The following ZFHX3 variants were observed in gnomAD, a reference collection of about 807,000 sequenced individuals.
The protein encoded by ZFHX3 is zinc finger homeobox 3.
ZFHX3 carries 42 observed loss-of-function variants against 279.1 expected under a neutral mutation model. The observed-to-expected ratio is 0.15, with a 90% confidence interval of 0.12 to 0.19. The LOEUF (loss-of-function observed/expected upper bound fraction) is 0.19. Among genes scored for constraint, ZFHX3 ranks in the 10% least tolerant of loss-of-function variants. The pLI is 1.00. For missense variants in ZFHX3, 4,981 were observed against 4,754.0 expected (o/e 1.05, Z -1.40); for synonymous variants, 2,293 against 1,957.8 (o/e 1.17, Z -4.52).
intron 1 of ZFHX3, among the ~76,000 whole-genome samples, chr16:73,738,870 A>T (rs982031290): frequency 1.3e-5 from 2 of 152,130 alleles, no homozygotes; most frequent in Non-Finnish European, 2.9e-5. Flanking sequence ...AGATTACAAG[A>T]TGGAAGAAAG....
intron 4 of ZFHX3, among the ~76,000 whole-genome samples, chr16:73,284,677 A>G (rs1340597942): frequency 1.3e-5 from 2 of 152,142 alleles, no homozygotes; most frequent in Non-Finnish European, 2.9e-5. Flanking sequence ...GTTTTTTGCA[A>G]TGGTCACATA....
chr16:73,378,115 T>C (rs2143360045), intron 3 of ZFHX3, among the ~76,000 whole-genome samples: 1 of 145,448 alleles, frequency 6.9e-6, no homozygotes, highest in South Asian at 2.2e-4. Flanking sequence ...ACTCATCAGA[T>C]GGAGCTAATA....
chr16:73,716,639 AC>A (rs2053417704), intron 1 of ZFHX3, among the ~76,000 whole-genome samples: 117 of 137,436 alleles, frequency 8.5e-4, no homozygotes, highest in South Asian at 2.9e-3. Flanking sequence ...ACACACACAC[AC>A]ACACACACAC....
At chr16:73,802,190 A>G (rs909584950) in intron 1 of ZFHX3, among the ~76,000 whole-genome samples, 4 of 152,084 alleles carry the variant, frequency 2.6e-5, no homozygotes, top group Admixed American at 1.3e-4. Flanking sequence ...TTGATTCTTC[A>G]TAAAACCCCA....
chr16:73,542,197 C>T (rs1759157660), intron 2 of ZFHX3, among the ~76,000 whole-genome samples: 1 of 152,054 alleles, frequency 6.6e-6, no homozygotes, highest in Admixed American at 6.6e-5. Flanking sequence ...TTCTCCCACA[C>T]ACTTTCAAGT....
rs1342873565 is a variant in ZFHX3, at chr16:72,794,409, A to G, written c.8273T>C (p.Leu2758Pro). ...GTCAAAAATATCTCCTTTCATCTGG[A>G]GTCCCCCATCACAGTCTAAGAGCAT... ...SAMLLDCDGG[L>P]QMKGDIFDGT... is the part of the protein sequence containing the mutation. Residue 2758 changes from leucine (L) to proline (P), a missense_variant, in exon 9 of 10, where the codon CTC (leucine) becomes CCC (proline). Physicochemically the swap from Leu to Pro is moderately conservative, Grantham distance 98. Transcript: ENST00000268489. This position sits in a 1 kb window ranked among gnomAD's most constrained non-coding sequence, Gnocchi z 4.2. The G allele has an allele frequency of 1.2e-6, 2 of 1,609,978 alleles. No individual in the cohort carries two copies. The highest frequency in any genetic ancestry group is 1.7e-6 in the Non-Finnish European group (2 of 1,177,676).
chr16:73,309,408 C>A (rs987255339), intron 4 of ZFHX3, among the ~76,000 whole-genome samples: 1 of 152,182 alleles, frequency 6.6e-6, no homozygotes, highest in Non-Finnish European at 1.5e-5. Context: ...AGGCCATAAT[C>A]TCATTCTTTT....
intron 5 of ZFHX3, among the ~76,000 whole-genome samples, chr16:73,237,425 G>A (rs1168023011): frequency 2.0e-5 from 3 of 151,362 alleles, no homozygotes; most frequent in Non-Finnish European, 4.4e-5. Context: ...TTTTTTAAAA[G>A]ATGGGGTTTT....
rs138195703 is a variant in ZFHX3, at chr16:73,026,027, T to A, written c.-50+21725A>T. Among the ~76,000 whole-genome samples, 909 of 151,898 alleles carry A rather than the reference T, an allele frequency of 6.0e-3. 9 individuals are homozygous for A. The highest frequency in any genetic ancestry group is 0.02 in the African/African-American group (833 of 41,396). On this transcript the variant is annotated intron_variant, in intron 1 of 9. Transcript: ENST00000268489. ...GCTTCCCAAAAGGAACACACCCATG[T>A]CTTGGCAGTCTCCGATAGGCTGAAA...
rs2144073518 is a variant in ZFHX3, at chr16:72,889,784, T to C, written c.3395A>G (p.Asp1132Gly). Residue 1132 changes from aspartate to glycine, a missense_variant, in exon 4 of 10, where the codon GAC becomes GGC. This residue lies in a region of ZFHX3 where 1,751 missense variants were observed against 1,770.0 expected (regional missense o/e 0.99). Transcript: ENST00000268489. ...GGTGAAGATCTGCCCCAGGTCCTCG[T>C]CCTCCTCTGGAAGGCCCTTCTGCAG... is the stretch of plus-strand genomic sequence containing the variant. Reference protein sequence around the residue: ...QRLQKGLPEEDEDLGQIFTIR... With the variant: ...QRLQKGLPEEGEDLGQIFTIR... The C allele has an allele frequency of 6.2e-7, 1 of 1,613,424 alleles. No individual in the cohort carries two copies. Among genetic ancestry groups the C allele is most frequent in the East Asian group, 2.2e-5 (1 of 44,864 alleles).
At chr16:72,929,562 A>G (rs1431244987) in intron 3 of ZFHX3, among the ~76,000 whole-genome samples, 1 of 152,228 alleles carries the variant, frequency 6.6e-6, no homozygotes, top group Non-Finnish European at 1.5e-5. Context: ...ACAGGTCATC[A>G]TCAGGATCTG....
Position 73,348,369 on chromosome 16 carries a change from G to C in ZFHX3, c.-1290-30033C>G, listed in dbSNP as rs368790997. On this transcript the variant is annotated intron_variant, in intron 3 of 17. Coordinates refer to the ZFHX3 transcript ENST00000641206. ...GGGTTGTTAATCACCTCTCTGGCAA[G>C]GGTCCTTCACCTTTGGGGTGGGTCA... 2.0e-4 allele frequency among the ~76,000 whole-genome samples: 30 copies of C among 152,302 alleles called. No individual in the cohort carries two copies. In the East Asian group the frequency reaches 4.8e-3, roughly 24 times the overall value.
intron 5 of ZFHX3, among the ~76,000 whole-genome samples, chr16:72,815,269 G>A (rs563383142): frequency 1.4e-4 from 22 of 152,218 alleles, no homozygotes; most frequent in East Asian, 1.9e-4. Flanking sequence ...TTAGCCAGGC[G>A]TGGTGGCAAG....
chr16:72,959,157 C>G lies in ZFHX3; in HGVS notation c.989G>C (p.Gly330Ala). The change falls in exon 2 of 10, where the codon GGC (glycine) becomes GCC (alanine). Residue 330 changes from glycine to alanine, a missense_variant. By Grantham distance (60) the Gly-to-Ala change is moderately conservative. Transcript: ENST00000268489. ...KNISAIIQGI[G>A]KDKEPLVSFL... The stretch of plus-strand genomic sequence containing the variant: ...ACTTACAAGGGGTTCCTTGTCTTTG[C>G]CGATCCCTTGGATGATAGCGGAGAT... 6.2e-7 allele frequency: 1 copy of G among 1,614,238 alleles called. No homozygotes were observed. The highest frequency in any genetic ancestry group is 1.3e-5 in the African/African-American group (1 of 75,056).
intron 2 of ZFHX3, among the ~76,000 whole-genome samples, chr16:73,519,422 A>T (rs867549935): frequency 1.2e-4 from 18 of 152,044 alleles, no homozygotes; most frequent in South Asian, 2.1e-4. Flanking sequence ...TTGTTTTTTT[A>T]AAAAAATTCT....
At chr16:72,827,122 G>A (rs751994080) in intron 5 of ZFHX3, among the ~76,000 whole-genome samples, 2 of 152,130 alleles carry the variant, frequency 1.3e-5, no homozygotes, top group Non-Finnish European at 2.9e-5. Flanking sequence ...CAAAATGCAC[G>A]AAACATACGC....
At chr16:72,854,678 C>A (rs190644832) in intron 4 of ZFHX3, among the ~76,000 whole-genome samples, 1 of 151,942 alleles carries the variant, frequency 6.6e-6, no homozygotes, top group Non-Finnish European at 1.5e-5. Context: ...ATTGGATAGG[C>A]CAATTTCAAA....
chr16:73,606,179 C>T (rs2052179057), intron 2 of ZFHX3, among the ~76,000 whole-genome samples: 2 of 44,296 alleles, frequency 4.5e-5, no homozygotes, highest in Non-Finnish European at 7.5e-5. Flanking sequence ...TAGGCTCCAT[C>T]TAAAAAAAAA....
chr16:73,326,315 A>T (rs62057269), intron 3 of ZFHX3, among the ~76,000 whole-genome samples: 59,638 of 152,100 alleles, frequency 0.39, 13,375 homozygotes, highest in Non-Finnish European at 0.52. Flanking sequence ...CGAAAAGCCT[A>T]AAGTCCAATA....
Sources: gnomAD v4.1 joint callset for allele counts (sites outside exome capture counted in the v4.1 genomes callset) on GRCh38, gnomAD v4.1.1 for gene constraint, gnomAD v4.1.1 regional missense constraint, Gnocchi (gnomAD v3.1) non-coding constraint, MANE v1.5 for transcripts, NCBI Gene and HGNC (gene_info 2026-07-23, HGNC 2026-07-21) for gene names.